The following SLC31A2 variants were observed in gnomAD, a reference collection of about 807,000 sequenced individuals.
SLC31A2 encodes the protein solute carrier family 31 member 2.
SLC31A2 carries 16 observed loss-of-function variants against 14.4 expected under a neutral mutation model. The observed-to-expected ratio is 1.11, with a 90% CI of 0.75 to 1.69. The LOEUF (loss-of-function observed/expected upper bound fraction) is 1.69. Ranked by LOEUF, SLC31A2 falls within the 40% of genes most tolerant of loss-of-function variation. SLC31A2 has a pLI of 0.00. For synonymous variants in SLC31A2, 56 were observed against 68.7 expected, an observed-to-expected ratio of 0.82 and a Z score of 0.91; for missense variants, 140 against 173.9, an observed-to-expected ratio of 0.81 and a Z score of 1.10.
In SLC31A2 at chr9:113,161,693, C is replaced by T. The variant is rs540739923; in HGVS notation, c.258C>T (p.His86=). 8.1e-6 allele frequency: 13 copies of T among 1,613,908 alleles called. No individual in the cohort carries two copies. In the South Asian group the frequency reaches 1.3e-4, roughly 16 times the overall value. ...ATTCATTCCCTGTTGGCAGAACCCA[C>T]CACAGGTACAGGCAGTGGGTATGGG... is the stretch of plus-strand genomic sequence containing the variant. The part of the protein sequence containing the change: ...GSDSFPVGRT[H]HRWYLCHFGQ... The change falls in exon 3 of 4, where the codon CAC becomes CAT. Residue 86 remains histidine, a synonymous_variant. Coordinates refer to ENST00000259392, the MANE Select transcript of SLC31A2 (RefSeq NM_001860.3).
intron 1 of SLC31A2, chr9:113,155,860 C>T (rs553624679): frequency 4.4e-5 from 14 of 321,142 alleles, no homozygotes; most frequent in Admixed American, 1.1e-4. Context: ...CCCCAGCTCC[C>T]CTCGGAGGAA....
intron 1 of SLC31A2, among the ~76,000 whole-genome samples, chr9:113,153,116 A>C (rs970057866): frequency 1.8e-5 from 2 of 111,628 alleles, no homozygotes; most frequent in Admixed American, 1.8e-4. Flanking sequence ...GCTGTGTCAA[A>C]ATGTTTTTTT....
intron 2 of SLC31A2, among the ~76,000 whole-genome samples, chr9:113,159,749 G>A (rs1442182757): frequency 6.6e-6 from 1 of 152,174 alleles, no homozygotes; most frequent in East Asian, 1.9e-4. Flanking sequence ...CCTGCTTCAG[G>A]CACCAATTGC....
chr9:113,163,001 C>T lies in SLC31A2; in HGVS notation c.*84C>T. 7.9e-7 allele frequency: 1 copy of T among 1,258,066 alleles called. No homozygotes were observed. Among genetic ancestry groups the T allele is most frequent in the Non-Finnish European group, 1.1e-6 (1 of 932,580 alleles). The allele number at this position is 1,258,066 out of a possible 1,614,324, so 77.9% of individuals were successfully genotyped here. On this transcript the variant is annotated 3_prime_UTR_variant, in exon 4 of 4. Coordinates refer to ENST00000259392, the MANE Select transcript of SLC31A2 (RefSeq NM_001860.3). ...ACTATACTTCCAACTGCCCTTTCTT[C>T]TGATGGCTATTCCTCCACCTTATTC...
chr9:113,156,030 G>A (rs368209993), intron 1 of SLC31A2: 15 of 518,830 alleles, frequency 2.9e-5, no homozygotes, highest in Non-Finnish European at 4.2e-5. Flanking sequence ...GCTGTCGTCT[G>A]CAAGCAGAAG....
chr9:113,161,026 A>G (rs1045381942), intron 2 of SLC31A2: 1 of 152,806 alleles, frequency 6.5e-6, no homozygotes, highest in Non-Finnish European at 1.5e-5. Context: ...AAAATAATTT[A>G]TTGGGTTTTT....
In SLC31A2 at chr9:113,151,186, T is replaced by C; in HGVS notation, c.6+106T>C. 8.6e-7 allele frequency: 1 copy of C among 1,164,300 alleles called. No individual in the cohort carries two copies. The highest frequency in any genetic ancestry group is 1.1e-6 in the Non-Finnish European group (1 of 909,540). 72.1% of individuals were successfully genotyped at this position (1,164,300 alleles called of 1,614,324 possible). ...CTCGCTGCCGCTGGCCCGGGGCTGG[T>C]GAAGGGTGTGTTGGCAGCATTGCCA... is the stretch of plus-strand genomic sequence containing the variant. On this transcript the variant is annotated intron_variant, in intron 1 of 3. Transcript: ENST00000259392. The surrounding 1 kb of genome is among the most constrained non-coding windows in gnomAD (Gnocchi z 4.2).
chr9:113,156,108 C>T, intron 1 of SLC31A2: 1 of 518,796 alleles, frequency 1.9e-6, no homozygotes, highest in South Asian at 1.4e-5. Flanking sequence ...AAAATGGCAG[C>T]TAATCAAATC....
chr9:113,156,198 T>G (rs537336782), intron 1 of SLC31A2: 2 of 511,778 alleles, frequency 3.9e-6, no homozygotes, highest in African/African-American at 1.9e-5. Context: ...CCCCACAGCC[T>G]TCACAAGTAC....
At chr9:113,162,514 G>A (rs935649037) in intron 3 of SLC31A2, 1 of 373,488 alleles carries the variant, frequency 2.7e-6, no homozygotes, top group African/African-American at 2.2e-5. Flanking sequence ...TGCCTAGGAT[G>A]CCAGGAAGCT....
chr9:113,162,536 G>A (rs548827212), intron 3 of SLC31A2: 13 of 411,116 alleles, frequency 3.2e-5, no homozygotes, highest in African/African-American at 3.0e-4. Context: ...GAAACCAAAT[G>A]TAGTGAAGAT....
rs1348091501 is a variant in SLC31A2 at position 113,151,135 on chromosome 9, G to A, written c.6+55G>A. On this transcript the variant is annotated intron_variant, in intron 1 of 3. Coordinates refer to ENST00000259392, the MANE Select transcript of SLC31A2 (RefSeq NM_001860.3). This position sits in a 1 kb window ranked among gnomAD's most constrained non-coding sequence, Gnocchi z 4.2. Reference sequence around the variant, plus strand: ...TGGGCGGTTGGGGCGGGGTCTCCTGGAGCTGCCATCTCGGCACCCCGAATC... The same window carrying A: ...TGGGCGGTTGGGGCGGGGTCTCCTGAAGCTGCCATCTCGGCACCCCGAATC... 3 of 1,283,236 alleles carry A rather than the reference G, an allele frequency of 2.3e-6. No homozygotes were observed. Among genetic ancestry groups the A allele is most frequent in the Non-Finnish European group, 3.0e-6 (3 of 1,007,116 alleles). The allele number at this position is 1,283,236 out of a possible 1,614,324, so 79.5% of individuals were successfully genotyped here.
rs1830057897 is a variant in SLC31A2 at position 113,163,905 on chromosome 9, C to T, written c.*988C>T. On this transcript the variant is annotated 3_prime_UTR_variant, in exon 4 of 4. Coordinates refer to ENST00000259392, the MANE Select transcript of SLC31A2 (RefSeq NM_001860.3). ...AAACATGATTCATTCACTTAAAATA[C>T]TGATTAAGCCATGGGCAGGTACTGA... is the stretch of plus-strand genomic sequence containing the variant. 1.8e-5 allele frequency: 1 copy of T among 56,730 alleles called. No homozygotes were observed. The highest frequency in any genetic ancestry group is 1.8e-4 in the Admixed American group (1 of 5,426). 3.5% of individuals were successfully genotyped at this position (56,730 alleles called of 1,614,324 possible).
At chr9:113,152,932 C>A (rs758236257) in intron 1 of SLC31A2, among the ~76,000 whole-genome samples, 19 of 152,304 alleles carry the variant, frequency 1.2e-4, no homozygotes, top group Middle Eastern at 6.8e-3. Context: ...TTCATACCAT[C>A]TGCTTTACCA....
intron 1 of SLC31A2, among the ~76,000 whole-genome samples, chr9:113,153,555 A>G (rs941447781): frequency 6.6e-6 from 1 of 152,174 alleles, no homozygotes; most frequent in African/African-American, 2.4e-5. Context: ...CCATGGGGAG[A>G]TAAGTGGGCT....
chr9:113,157,283 CTG>C (rs1460723323), intron 1 of SLC31A2, among the ~76,000 whole-genome samples: 1 of 152,218 alleles, frequency 6.6e-6, no homozygotes, highest in Non-Finnish European at 1.5e-5. Context: ...ACGATAAACA[CTG>C]TGGGATCTGT....
intron 3 of SLC31A2, chr9:113,161,952 G>A (rs1830020609): frequency 5.1e-6 from 3 of 588,842 alleles, no homozygotes; most frequent in South Asian, 3.4e-5. Context: ...GTGATCTTCA[G>A]GTGCAGGCCC....
In SLC31A2 at chr9:113,163,980, A is replaced by ACTC. The variant is rs970536641; in HGVS notation, c.*1064_*1066dup. ...CATTACATTTTTTGAGTTAGATGGG[A>ACTC]CTCTCTGGATAGTTGAACCTCTTCA... On this transcript the variant is annotated 3_prime_UTR_variant, in exon 4 of 4. Coordinates refer to ENST00000259392, the MANE Select transcript of SLC31A2 (RefSeq NM_001860.3). 6.6e-6 allele frequency: 1 copy of ACTC among 152,548 alleles called. No homozygotes were observed. Among genetic ancestry groups the ACTC allele is most frequent in the African/African-American group, 2.4e-5 (1 of 41,418 alleles). 9.4% of individuals were successfully genotyped at this position (152,548 alleles called of 1,614,324 possible).
At chr9:113,160,200 T>A (rs1261096413) in intron 2 of SLC31A2, among the ~76,000 whole-genome samples, 2 of 144,930 alleles carry the variant, frequency 1.4e-5, no homozygotes, top group African/African-American at 5.0e-5. Flanking sequence ...AGACTCCATC[T>A]AAAAAAAAAA....
Sources: gnomAD v4.1 joint callset for allele counts (sites outside exome capture counted in the v4.1 genomes callset) on GRCh38, gnomAD v4.1.1 for gene constraint, Gnocchi (gnomAD v3.1) non-coding constraint, MANE v1.5 for transcripts, NCBI Gene and HGNC (gene_info 2026-07-23, HGNC 2026-07-21) for gene names.